Variants in COG5 observed in about 807,000 individuals in gnomAD.
COG5 encodes the protein conserved oligomeric Golgi complex subunit 5.
A neutral mutation model predicts 110.4 loss-of-function variants in COG5; 86 were observed. The ratio of observed to expected loss-of-function variants is 0.78; its 90% confidence interval spans 0.65 to 0.93. COG5 has a LOEUF of 0.93. Ranked by LOEUF, COG5 falls within the 40% of genes least tolerant of loss-of-function variation. COG5 has a pLI of 0.00. For missense variants in COG5, 1,077 were observed against 987.0 expected, an observed-to-expected ratio of 1.09 and a Z score of -1.22; for synonymous variants, 360 against 334.6, an observed-to-expected ratio of 1.08 and a Z score of -0.83.
intron 6 of COG5, among the ~76,000 whole-genome samples, chr7:107,433,718 C>A (rs1196024008): frequency 6.6e-6 from 1 of 152,090 alleles, no homozygotes; most frequent in African/African-American, 2.4e-5. Context: ...AGCTATAAAA[C>A]TCTTAGAAGA....
intron 6 of COG5, among the ~76,000 whole-genome samples, chr7:107,456,201 C>T (rs189842209): frequency 3.5e-4 from 53 of 152,202 alleles, no homozygotes; most frequent in African/African-American, 1.3e-3. Context: ...AGTAAAACAA[C>T]CACCAAAGAT....
intron 7 of COG5, among the ~76,000 whole-genome samples, chr7:107,408,314 G>A (rs919029491): frequency 1.3e-5 from 2 of 152,190 alleles, no homozygotes; most frequent in Non-Finnish European, 2.9e-5. Context: ...TTCGCAAAAA[G>A]TGTGCTGGTC....
chr7:107,248,694 GGCAC>G (rs1239480388), intron 16 of COG5, among the ~76,000 whole-genome samples, 195 bp from the exon 17 acceptor site: 1 of 152,048 alleles, frequency 6.6e-6, no homozygotes, highest in Non-Finnish European at 1.5e-5. Context: ...TGTGGAACAT[GGCAC>G]TAACAAATTT....
At chr7:107,327,485 C>T (rs1476634640) in intron 10 of COG5, among the ~76,000 whole-genome samples, 2 of 152,086 alleles carry the variant, frequency 1.3e-5, no homozygotes, top group Admixed American at 6.5e-5. Context: ...GGAAAGGAAA[C>T]AATCAATAGA....
intron 6 of COG5, among the ~76,000 whole-genome samples, chr7:107,478,915 A>G (rs915860592): frequency 2.6e-5 from 4 of 152,200 alleles, no homozygotes; most frequent in East Asian, 3.9e-4. Flanking sequence ...AAAGTCAATA[A>G]AACTTTTAAT....
intron 6 of COG5, among the ~76,000 whole-genome samples, chr7:107,435,084 T>C (rs1257634152): frequency 1.3e-5 from 2 of 152,156 alleles, no homozygotes; most frequent in African/African-American, 2.4e-5. Flanking sequence ...GATTCTACTT[T>C]TATGGGTTAT....
intron 10 of COG5, among the ~76,000 whole-genome samples, chr7:107,335,460 T>C (rs2129033150): frequency 2.0e-5 from 3 of 152,192 alleles, no homozygotes; most frequent in Admixed American, 2.0e-4. Flanking sequence ...CAAAAGTCCC[T>C]AAAACATTTA....
Position 107,558,019 on chromosome 7 carries a change from A to G in COG5, c.191T>C (p.Leu64Pro), listed in dbSNP as rs769184860. The G allele has an allele frequency of 6.2e-7, 1 of 1,614,060 alleles. No individual in the cohort carries two copies. The highest frequency in any genetic ancestry group is 1.1e-5 in the South Asian group (1 of 91,086). Residue 64 changes from leucine to proline, a missense_variant, in exon 2 of 22, where the codon CTT (leucine) becomes CCT (proline). Physicochemically the swap from Leu to Pro is moderately conservative, Grantham distance 98 (BLOSUM62 -3). Transcript: ENST00000297135. ...GTCCAACTGACTGATTCCTTGGGCA[A>G]GTTTTGCTAGTTGTTCAGCAATTAC... ...QAVIAEQLAK[L>P]AQGISQLDRE...
intron 12 of COG5, among the ~76,000 whole-genome samples, chr7:107,284,637 CACA>C (rs1314941412): frequency 6.6e-6 from 1 of 152,190 alleles, no homozygotes; most frequent in Non-Finnish European, 1.5e-5. Flanking sequence ...TAATATTCTT[CACA>C]ACATCAAATG....
chr7:107,557,907 A>T, intron 2 of COG5, 69 bp downstream of exon 2: 1 of 1,535,238 alleles, frequency 6.5e-7, no homozygotes, highest in Non-Finnish European at 9.0e-7. Context: ...GTATTTAATA[A>T]GATTACAAAA....
At chr7:107,249,554 T>C (rs1458771860) in intron 16 of COG5, among the ~76,000 whole-genome samples, 1 of 151,902 alleles carries the variant, frequency 6.6e-6, no homozygotes, top group Non-Finnish European at 1.5e-5. Context: ...AAAGATAATA[T>C]AATGAAGATA....
At chr7:107,208,679 T>C in intron 21 of COG5, 2 of 985,458 alleles carry the variant, frequency 2.0e-6, no homozygotes, top group Non-Finnish European at 2.4e-6. Flanking sequence ...ACCTCTCCCA[T>C]TTCTGTGTCA....
chr7:107,339,403 T>C (rs778870655), intron 10 of COG5, among the ~76,000 whole-genome samples: 12 of 152,048 alleles, frequency 7.9e-5, no homozygotes, highest in Non-Finnish European at 1.8e-4. Flanking sequence ...AAAACATATA[T>C]AGACAGCCAC....
intron 5 of COG5, among the ~76,000 whole-genome samples, chr7:107,541,553 C>T (rs1333985491): frequency 2.6e-5 from 3 of 116,808 alleles, no homozygotes; most frequent in Non-Finnish European, 5.2e-5. Context: ...TGTATTTATG[C>T]GTGTGTGTAT....
rs1798384198 is a variant in COG5 at position 107,202,234 on chromosome 7, CAT to C, written c.*1280_*1281del. On this transcript the variant is annotated 3_prime_UTR_variant, in exon 22 of 22. Coordinates refer to ENST00000297135, the MANE Select transcript of COG5 (RefSeq NM_006348.5). Reference sequence around the variant, plus strand: ...ATGTATCTTAAATATATTTTGTCATCATAATCTTTATGGTGGGGGCAGACTTT... The same window carrying C: ...ATGTATCTTAAATATATTTTGTCATCAATCTTTATGGTGGGGGCAGACTTT... The C allele has an allele frequency of 6.8e-6, 1 of 146,522 alleles. No homozygotes were observed. The highest frequency in any genetic ancestry group is 2.4e-5 in the African/African-American group (1 of 41,148). The allele number at this position is 146,522 out of a possible 1,614,324, so 9.1% of individuals were successfully genotyped here.
intron 8 of COG5, among the ~76,000 whole-genome samples, chr7:107,366,729 G>A (rs887190735): frequency 6.6e-6 from 1 of 151,998 alleles, no homozygotes; most frequent in Non-Finnish European, 1.5e-5. Flanking sequence ...TCCATTTTCC[G>A]TTCATATGAA....
intron 11 of COG5, among the ~76,000 whole-genome samples, chr7:107,299,873 A>AATATATATATATATATAT: frequency 8.0e-6 from 1 of 124,452 alleles, no homozygotes; most frequent in Admixed American, 8.5e-5. Flanking sequence ...AATTATCTGG[A>AATATATATATATATATAT]ATATATATAT....
At chr7:107,508,258 A>G (rs1023475098) in intron 6 of COG5, among the ~76,000 whole-genome samples, 1 of 152,222 alleles carries the variant, frequency 6.6e-6, no homozygotes, top group African/African-American at 2.4e-5. Context: ...GGAGGGTCCT[A>G]TGCCCACAGA....
intron 6 of COG5, among the ~76,000 whole-genome samples, chr7:107,427,797 C>A (rs1584810099): frequency 6.6e-6 from 1 of 152,022 alleles, no homozygotes; most frequent in Non-Finnish European, 1.5e-5. Context: ...TTCCCAAGTT[C>A]TTGTCCTGCA....
Sources: allele counts gnomAD v4.1 joint callset (sites outside exome capture counted in the v4.1 genomes callset), GRCh38; gene constraint gnomAD v4.1.1; transcripts MANE v1.5; gene names NCBI Gene and HGNC (gene_info 2026-07-23, HGNC 2026-07-21).